The following MINAR2 variants were observed in gnomAD, a reference collection of about 807,000 sequenced individuals.
MINAR2 encodes the protein major intrinsically disordered NOTCH2-binding receptor 1-like.
MINAR2 carries 21 observed loss-of-function variants against 16.1 expected under a neutral mutation model. The ratio of observed to expected loss-of-function variants is 1.31; its 90% confidence interval spans 0.93 to 1.88. The LOEUF (loss-of-function observed/expected upper bound fraction) is 1.88, where lower values mean the gene tolerates loss of function less well. Among genes scored for constraint, MINAR2 ranks in the 40% most tolerant of loss-of-function variants. The probability of loss-of-function intolerance (pLI) is 0.00; values close to 1 mark genes in which losing one functional copy is unlikely to be tolerated. For missense variants in MINAR2, 259 were observed against 229.8 expected (o/e 1.13, Z -0.82); for synonymous variants, 86 against 83.0 (o/e 1.04, Z -0.20).
intron 1 of MINAR2, among the ~76,000 whole-genome samples, chr5:129,756,954 A>AC (rs1758062180): frequency 1.3e-5 from 2 of 148,562 alleles, no homozygotes; most frequent in African/African-American, 2.5e-5. Context: ...AAAAAAAAAA[A>AC]AAAACACACA....
intron 2 of MINAR2, among the ~76,000 whole-genome samples, chr5:129,764,242 G>T (rs1403429642): frequency 6.6e-6 from 1 of 152,094 alleles, no homozygotes; most frequent in East Asian, 1.9e-4. Context: ...AGCTGATGTG[G>T]GGAAGAATAT....
chr5:129,764,670 G>T (rs1758184873), intron 2 of MINAR2, among the ~76,000 whole-genome samples: 1 of 152,264 alleles, frequency 6.6e-6, no homozygotes, highest in Admixed American at 6.5e-5. Context: ...GAATTGCAGG[G>T]ATTCCTTGTC....
At chr5:129,758,986 G>GA (rs71800633) in intron 1 of MINAR2, among the ~76,000 whole-genome samples, 27,327 of 151,804 alleles carry the variant, frequency 0.18, 2,689 homozygotes, top group East Asian at 0.3. Flanking sequence ...CTAAGTATGT[G>GA]AAAAATGCAT....
intron 1 of MINAR2, among the ~76,000 whole-genome samples, chr5:129,759,308 T>C (rs1758094625): frequency 6.6e-6 from 1 of 152,048 alleles, no homozygotes; most frequent in South Asian, 2.1e-4. Flanking sequence ...TTTTTAAAGA[T>C]TAAAGATTAT....
rs751085596 is a variant in MINAR2, at chr5:129,748,156, C to T, written c.-35C>T. The stretch of plus-strand genomic sequence containing the variant: ...GAGGAGTCTGACAAGAGCAGCTTTG[C>T]CTGTCTTTGTTTTCCACTGTAGGTG... On this transcript the variant is annotated 5_prime_UTR_variant, in exon 1 of 3. Transcript: ENST00000564719. 9.0e-5 allele frequency: 137 copies of T among 1,527,758 alleles called. No individual in the cohort carries two copies. Among genetic ancestry groups the T allele is most frequent in the Non-Finnish European group, 1.2e-4 (136 of 1,141,652 alleles). The allele number at this position is 1,527,758 out of a possible 1,614,324, so 94.6% of individuals were successfully genotyped here. A position where few individuals can be genotyped will look rare whatever the true frequency, so the allele number is the denominator to read the frequency against.
intron 1 of MINAR2, among the ~76,000 whole-genome samples, chr5:129,749,583 TAAATGAAATG>T (rs151056379): frequency 5.3e-5 from 8 of 152,286 alleles, no homozygotes; most frequent in African/African-American, 1.9e-4. Flanking sequence ...TTTTAAGTTT[TAAATGAAATG>T]AAATGAAATG....
intron 2 of MINAR2, among the ~76,000 whole-genome samples, chr5:129,761,040 A>T (rs1329318692): frequency 6.6e-6 from 1 of 152,206 alleles, no homozygotes; most frequent in Non-Finnish European, 1.5e-5. Flanking sequence ...CTCATCAAAG[A>T]TTATTTTATC....
rs942084621 is a variant in MINAR2 at position 129,765,826 on chromosome 5, G to T, written c.*763G>T. 6.6e-6 allele frequency: 1 copy of T among 152,116 alleles called. No individual in the cohort carries two copies. The highest frequency in any genetic ancestry group is 1.5e-5 in the Non-Finnish European group (1 of 68,012). 9.4% of individuals were successfully genotyped at this position (152,116 alleles called of 1,614,324 possible). Reference sequence around the variant, plus strand: ...TTACCAACCATGGTCTAGGTTGGGGGTCCCTAGGAAAGCAGAGGGAATACT... The same window carrying T: ...TTACCAACCATGGTCTAGGTTGGGGTTCCCTAGGAAAGCAGAGGGAATACT... On this transcript the variant is annotated 3_prime_UTR_variant, in exon 3 of 3. Transcript: ENST00000564719.
At position 129,766,634 on chromosome 5, in the gene MINAR2, T is replaced by TAAAAAAAAAAAAAAAAAAAAAAAAAAAA. The variant is rs35872824; in HGVS notation, c.*1593_*1594insAAAAAAAAAAAAAAAAAAAAAAAAAAAA. 10 of 103,562 alleles carry TAAAAAAAAAAAAAAAAAAAAAAAAAAAA rather than the reference T, an allele frequency of 9.7e-5. No homozygotes were observed. The highest frequency in any genetic ancestry group is 6.2e-4 in the East Asian group (2 of 3,232). 6.4% of individuals were successfully genotyped at this position (103,562 alleles called of 1,614,324 possible). A position where few individuals can be genotyped will look rare whatever the true frequency, so the allele number is the denominator to read the frequency against. On this transcript the variant is annotated 3_prime_UTR_variant, in exon 3 of 3. Coordinates refer to ENST00000564719, the MANE Select transcript of MINAR2 (RefSeq NM_001257308.2). ...CCTGGGTGACAGAGTGAGACTTCCA[T>TAAAAAAAAAAAAAAAAAAAAAAAAAAAA]AAAAAAAAAAAAAAAAAAAAAACAA...
intron 2 of MINAR2, among the ~76,000 whole-genome samples, chr5:129,763,670 C>T (rs915376993): frequency 2.0e-4 from 30 of 152,154 alleles, no homozygotes; most frequent in African/African-American, 4.8e-5. Context: ...ACAGATCATC[C>T]ATATTTTATT....
chr5:129,761,773 C>T (rs1356623502), intron 2 of MINAR2, among the ~76,000 whole-genome samples: 1 of 152,116 alleles, frequency 6.6e-6, no homozygotes, highest in African/African-American at 2.4e-5. Context: ...ATGTTAGGGC[C>T]TCTTCCTTTT....
intron 1 of MINAR2, among the ~76,000 whole-genome samples, chr5:129,757,377 T>C (rs1294308633): frequency 2.0e-5 from 3 of 152,062 alleles, no homozygotes; most frequent in African/African-American, 7.2e-5. Flanking sequence ...TACATTTGTC[T>C]AGTATAAATT....
chr5:129,751,029 C>T (rs1265473973), intron 1 of MINAR2, among the ~76,000 whole-genome samples: 4 of 152,246 alleles, frequency 2.6e-5, no homozygotes, highest in African/African-American at 9.6e-5. Flanking sequence ...CCTTCAAACT[C>T]GGGGTAACTC....
At chr5:129,751,554 A>G (rs1313229848) in intron 1 of MINAR2, among the ~76,000 whole-genome samples, 3 of 152,170 alleles carry the variant, frequency 2.0e-5, no homozygotes, top group Non-Finnish European at 4.4e-5. Flanking sequence ...TTCAGTAACC[A>G]GGGACATTGT....
chr5:129,748,922 C>T (rs1210268348), intron 1 of MINAR2, among the ~76,000 whole-genome samples: 2 of 152,160 alleles, frequency 1.3e-5, no homozygotes, highest in Admixed American at 6.6e-5. Flanking sequence ...ACTGTAGATA[C>T]TCTTATTTTC....
intron 2 of MINAR2, 47 bp from the exon 3 acceptor site, chr5:129,764,837 C>A: frequency 9.6e-7 from 1 of 1,043,148 alleles, no homozygotes; most frequent in Non-Finnish European, 1.2e-6. Flanking sequence ...ATTTGTAACA[C>A]TGACTGATTA....
intron 1 of MINAR2, among the ~76,000 whole-genome samples, chr5:129,751,334 G>A (rs900453285): frequency 6.6e-6 from 1 of 151,954 alleles, no homozygotes; most frequent in African/African-American, 2.4e-5. Flanking sequence ...TCAGCCTCCT[G>A]AGTATCTGGG....
rs745621592 is a variant in MINAR2 at position 129,748,290 on chromosome 5, C to T, written c.100C>T (p.Leu34=). The change falls in exon 1 of 3, where the codon CTG becomes TTG. Residue 34 remains leucine (L), a synonymous_variant. Coordinates refer to ENST00000564719, the MANE Select transcript of MINAR2 (RefSeq NM_001257308.2). The part of the protein sequence containing the change: ...TRSSALLQAS[L]VRFPGGNYPA... ...GAGCTCAGCCCTCCTTCAGGCCAGCCTGGTGAGGTTTCCGGGTGGAAATTA... is the reference window on the plus strand; with the variant it reads ...GAGCTCAGCCCTCCTTCAGGCCAGCTTGGTGAGGTTTCCGGGTGGAAATTA... 1.4e-5 allele frequency: 21 copies of T among 1,535,162 alleles called. No homozygotes were observed. The highest frequency in any genetic ancestry group is 1.8e-5 in the Non-Finnish European group (21 of 1,146,608).
chr5:129,751,751 A>T (rs756502848), intron 1 of MINAR2, among the ~76,000 whole-genome samples: 33 of 152,218 alleles, frequency 2.2e-4, no homozygotes, highest in Non-Finnish European at 3.5e-4. Context: ...TCTACCTGTT[A>T]GATTAATTTT....
Sources: gnomAD v4.1 joint callset for allele counts (sites outside exome capture counted in the v4.1 genomes callset) on GRCh38, gnomAD v4.1.1 for gene constraint, MANE v1.5 for transcripts, NCBI Gene and HGNC (gene_info 2026-07-23, HGNC 2026-07-21) for gene names.